The following CDC42BPA variants were observed in gnomAD, a reference collection of about 807,000 sequenced individuals.
CDC42BPA encodes the protein serine/threonine-protein kinase MRCK alpha.
A neutral mutation model predicts 223.5 loss-of-function variants in CDC42BPA; 80 were observed. The observed-to-expected ratio is 0.36, with a 90% confidence interval of 0.30 to 0.43. The LOEUF is 0.43. CDC42BPA is among the 20% of genes least tolerant of loss of function. The pLI, the probability that CDC42BPA is intolerant of heterozygous loss-of-function variation, is 1.00. For missense variants in CDC42BPA, 1,743 were observed against 2,099.9 expected (o/e 0.83, Z 3.32); for synonymous variants, 694 against 718.6 (o/e 0.97, Z 0.55).
chr1:227,033,292 A>G, intron 27 of CDC42BPA, 42 bp downstream of exon 27: 1 of 1,351,244 alleles, frequency 7.4e-7, no homozygotes, highest in Non-Finnish European at 1.1e-6. Flanking sequence ...TACTCATTAA[A>G]AACACATAAT....
intron 17 of CDC42BPA, among the ~76,000 whole-genome samples, chr1:227,080,444 T>C (rs909168065): frequency 6.6e-6 from 1 of 152,186 alleles, no homozygotes; most frequent in African/African-American, 2.4e-5. Flanking sequence ...AAAAATGCCA[T>C]GTGTGAATTA....
intron 1 of CDC42BPA, among the ~76,000 whole-genome samples, chr1:227,254,458 T>C (rs1197218519): frequency 2.0e-5 from 3 of 152,220 alleles, no homozygotes; most frequent in Non-Finnish European, 4.4e-5. Flanking sequence ...TTTAACATTC[T>C]ATCAGCATTA....
At chr1:227,023,196 T>C in intron 32 of CDC42BPA, 67 bp downstream of exon 32, 1 of 765,420 alleles carries the variant, frequency 1.3e-6, no homozygotes, top group Non-Finnish European at 2.2e-6. Flanking sequence ...TAATGTGACC[T>C]TGGGCAGTTA....
chr1:226,999,277 C>T (rs1436534998), intron 35 of CDC42BPA, among the ~76,000 whole-genome samples: 2 of 151,754 alleles, frequency 1.3e-5, no homozygotes, highest in South Asian at 2.1e-4. Context: ...CCCAGATTCA[C>T]GCCATTCTCC....
At chr1:227,163,182 ATGTG>A (rs1250669658) in intron 5 of CDC42BPA, among the ~76,000 whole-genome samples, 3 of 152,104 alleles carry the variant, frequency 2.0e-5, no homozygotes, top group Admixed American at 6.5e-5. Context: ...TTCCAAACAT[ATGTG>A]TGTATGTTTC....
At chr1:227,196,730 TTAC>T (rs1670824812) in intron 4 of CDC42BPA, among the ~76,000 whole-genome samples, 1 of 152,180 alleles carries the variant, frequency 6.6e-6, no homozygotes, top group Non-Finnish European at 1.5e-5. Context: ...TTCATATGAG[TTAC>T]TACAATTAAT....
At position 227,101,044 on chromosome 1, in the gene CDC42BPA, T is replaced by G. The variant is rs1292376680; in HGVS notation, c.2197A>C (p.Asn733His). The G allele has an allele frequency of 3.8e-6, 6 of 1,559,048 alleles. No individual in the cohort carries two copies. Among genetic ancestry groups the G allele is most frequent in the Non-Finnish European group, 5.3e-6 (6 of 1,132,718 alleles). The change falls in exon 15 of 37, where the codon AAC becomes CAC. Residue 733 changes from asparagine (N) to histidine (H), a missense_variant. Physicochemically the swap from Asn to His is moderately conservative, Grantham distance 68. This residue lies in a region of CDC42BPA where 464 missense variants were observed against 488.0 expected (regional missense o/e 0.95). Transcript: ENST00000366766. ...HDSEGQQLAL[N>H]KEIMILKDKL... Reference sequence around the variant, plus strand: ...TCTTTTAAAATCATAATTTCTTTGTTGAGAGCAAGTTGCTGACCTTCTGAA... The same window carrying G: ...TCTTTTAAAATCATAATTTCTTTGTGGAGAGCAAGTTGCTGACCTTCTGAA...
At position 227,052,329 on chromosome 1, in the gene CDC42BPA, G is replaced by A. The variant is rs78411938; in HGVS notation, c.2905-344C>T. 8.7e-3 allele frequency among the ~76,000 whole-genome samples: 1,320 copies of A among 152,126 alleles called. 7 individuals carry two copies. The highest frequency in any genetic ancestry group is 0.015 in the Admixed American group (231 of 15,268). ...GAATCATACATGTGAAATAAATGCC[G>A]GGTACTTAATAGAGATACATACGGC... On this transcript the variant is annotated intron_variant, in intron 21 of 36. Coordinates refer to ENST00000366766, the MANE Select transcript of CDC42BPA (RefSeq NM_001394014.1).
chr1:227,231,810 T>C (rs1314708258), intron 2 of CDC42BPA, among the ~76,000 whole-genome samples: 1 of 152,192 alleles, frequency 6.6e-6, no homozygotes, highest in Non-Finnish European at 1.5e-5. Context: ...TCATATCCTT[T>C]GCCCACTTTT....
At chr1:227,315,048 TTAAA>T (rs1263370895) in intron 1 of CDC42BPA, among the ~76,000 whole-genome samples, 6 of 152,062 alleles carry the variant, frequency 3.9e-5, no homozygotes, top group African/African-American at 7.2e-5. Flanking sequence ...ATTTCAATTC[TTAAA>T]TAGACTGGCA....
chr1:227,028,639 T>C lies in CDC42BPA; in HGVS notation c.4432+18A>G. 6.8e-7 allele frequency: 1 copy of C among 1,479,554 alleles called. No homozygotes were observed. The highest frequency in any genetic ancestry group is 9.2e-7 in the Non-Finnish European group (1 of 1,089,982). 91.7% of individuals were successfully genotyped at this position (1,479,554 alleles called of 1,614,324 possible). A position where few individuals can be genotyped will look rare whatever the true frequency, so the allele number is the denominator to read the frequency against. On this transcript the variant is annotated intron_variant, in intron 30 of 36. Transcript: ENST00000366766. ...AAGAGATATAAAGATAAGACAGCCGTAAGAAAGAGAATCTTACAACAAGAG... is the reference window on the plus strand; with the variant it reads ...AAGAGATATAAAGATAAGACAGCCGCAAGAAAGAGAATCTTACAACAAGAG...
intron 33 of CDC42BPA, among the ~76,000 whole-genome samples, chr1:227,016,618 T>G (rs1666317924): frequency 6.6e-6 from 1 of 152,222 alleles, no homozygotes; most frequent in Non-Finnish European, 1.5e-5. Context: ...GTTTACTGTA[T>G]GCACAGCTAT....
chr1:227,018,129 C>A (rs1021401538), intron 32 of CDC42BPA, among the ~76,000 whole-genome samples: 3 of 151,748 alleles, frequency 2.0e-5, no homozygotes, highest in Admixed American at 6.6e-5. Context: ...TCACTGCAGC[C>A]TCGACCTCCT....
At chr1:227,284,317 C>T (rs1157393331) in intron 1 of CDC42BPA, among the ~76,000 whole-genome samples, 3 of 152,134 alleles carry the variant, frequency 2.0e-5, no homozygotes, top group Non-Finnish European at 4.4e-5. Flanking sequence ...CAATTCACAA[C>T]TTATGAACTA....
chr1:227,002,621 G>C (rs1186683253), intron 35 of CDC42BPA, among the ~76,000 whole-genome samples: 4 of 152,224 alleles, frequency 2.6e-5, no homozygotes, highest in Non-Finnish European at 4.4e-5. Flanking sequence ...CCTGAGGTTA[G>C]GTAGAACACT....
intron 5 of CDC42BPA, among the ~76,000 whole-genome samples, chr1:227,181,523 C>G (rs1356711012): frequency 2.6e-5 from 4 of 152,142 alleles, no homozygotes. Flanking sequence ...CTTCCTGATT[C>G]ACTTGTTCAT....
At chr1:227,019,405 A>C (rs370969169) in intron 32 of CDC42BPA, among the ~76,000 whole-genome samples, 1 of 152,156 alleles carries the variant, frequency 6.6e-6, no homozygotes, top group East Asian at 1.9e-4. Flanking sequence ...AACCTCTAAA[A>C]GTCATCTATG....
intron 23 of CDC42BPA, among the ~76,000 whole-genome samples, chr1:227,042,421 A>G (rs1671563138): frequency 6.6e-6 from 1 of 152,068 alleles, no homozygotes; most frequent in Admixed American, 6.5e-5. Context: ...CATTAATTTT[A>G]GGTAATAAAT....
At chr1:227,214,687 T>C (rs1229731495) in intron 2 of CDC42BPA, among the ~76,000 whole-genome samples, 2 of 152,224 alleles carry the variant, frequency 1.3e-5, no homozygotes, top group South Asian at 4.1e-4. Context: ...CTTATTCTGA[T>C]TGAGGGAAGA....
Sources: allele counts gnomAD v4.1 joint callset (sites outside exome capture counted in the v4.1 genomes callset), GRCh38; gene constraint gnomAD v4.1.1; regional missense constraint gnomAD v4.1.1; transcripts MANE v1.5; gene names NCBI Gene and HGNC (gene_info 2026-07-23, HGNC 2026-07-21).